Variants in ABCA2 observed in about 807,000 individuals in gnomAD.
The protein encoded by ABCA2 is ATP-binding cassette sub-family A member 2.
Under a neutral mutation model 262.8 loss-of-function variants are expected in ABCA2, and 84 were observed. That is an observed-to-expected ratio of 0.32 (90% CI 0.27 to 0.38). The LOEUF (loss-of-function observed/expected upper bound fraction) is 0.38. Ranked by LOEUF, ABCA2 falls within the 10% of genes least tolerant of loss-of-function variation. The probability of loss-of-function intolerance (pLI) is 1.00; values close to 1 mark genes in which losing one functional copy is unlikely to be tolerated. For synonymous variants in ABCA2, 1,696 were observed against 1,502.9 expected (o/e 1.13, Z -2.97); for missense variants, 2,662 against 3,405.9 (o/e 0.78, Z 5.44).
rs745942064 is a variant in ABCA2 at position 137,011,621 on chromosome 9, C to T, written c.5651+13G>A. ...TCCCACCTGAGGCCGCTCCCCCCTC[C>T]GCTTCCGCTTACCCATAGAGCAGGA... On this transcript the variant is annotated intron_variant, in intron 36 of 48. Coordinates refer to ENST00000341511, the MANE Select transcript of ABCA2 (RefSeq NM_001606.5). This position sits in a 1 kb window ranked among gnomAD's most constrained non-coding sequence, Gnocchi z 8.8. 31 of 1,552,548 alleles carry T rather than the reference C, an allele frequency of 2.0e-5. No homozygotes were observed. Among genetic ancestry groups the T allele is most frequent in the Admixed American group, 9.8e-5 (5 of 51,174 alleles).
Position 137,015,613 on chromosome 9 carries a change from C to A in ABCA2, c.3515-17G>T. 6.2e-7 allele frequency: 1 copy of A among 1,612,130 alleles called. No individual in the cohort carries two copies. The highest frequency in any genetic ancestry group is 2.2e-5 in the East Asian group (1 of 44,850). On this transcript the variant is annotated splice_polypyrimidine_tract_variant and intron_variant, in intron 23 of 48. Transcript: ENST00000341511. ...TGGTGCGGCCTAGGACAAGGCCAGA[C>A]CCAGGGTCAGGGGGCAGGGGAGGCG...
At chr9:137,009,939 C>T in intron 42 of ABCA2, 36 bp from the exon 43 acceptor site, 2 of 1,597,894 alleles carry the variant, frequency 1.3e-6, no homozygotes, top group South Asian at 1.1e-5. Context: ...GGAGGCAGGG[C>T]CACCCAGCGT....
Position 137,011,705 on chromosome 9 carries a change from A to G in ABCA2, c.5580T>C (p.Phe1860=). The change falls in exon 36 of 49, where the codon TTT becomes TTC. Residue 1860 remains phenylalanine, a synonymous_variant. Coordinates refer to ENST00000341511, the MANE Select transcript of ABCA2 (RefSeq NM_001606.5). This position sits in a 1 kb window ranked among gnomAD's most constrained non-coding sequence, Gnocchi z 8.8. ...VPATCCVIIL[F]VFDLPAYTSP... Reference sequence around the variant, plus strand: ...ACGTGTAGGCCGGCAGGTCGAACACAAACAGGATGATGACACAGCAGGTAG... The same window carrying G: ...ACGTGTAGGCCGGCAGGTCGAACACGAACAGGATGATGACACAGCAGGTAG... 3.2e-6 allele frequency: 5 copies of G among 1,553,902 alleles called. No individual in the cohort carries two copies. The highest frequency in any genetic ancestry group is 4.4e-6 in the Non-Finnish European group (5 of 1,149,256).
Position 137,021,543 on chromosome 9 carries a change from C to T in ABCA2, c.746G>A (p.Arg249Gln), listed in dbSNP as rs752675380. 23 of 1,592,864 alleles carry T rather than the reference C, an allele frequency of 1.4e-5. No individual in the cohort carries two copies. The highest frequency in any genetic ancestry group is 1.1e-4 in the African/African-American group (8 of 74,412). ...TCTPGSGELG[R>Q]ILTVPESQKG... The stretch of plus-strand genomic sequence containing the variant: ...CTGACTCTCAGGCACAGTGAGGATC[C>T]GGCCCAGCTCCCCCGAGCCCGGCGT... Residue 249 changes from arginine to glutamine, a missense_variant, in exon 8 of 49, where the codon CGG becomes CAG. Physicochemically the swap from Arg to Gln is conservative, Grantham distance 43. Around this residue, in one of 12 missense-constraint regions of ABCA2, gnomAD observed 403 missense variants for 375.9 expected, o/e 1.07. Coordinates refer to ENST00000341511, the MANE Select transcript of ABCA2 (RefSeq NM_001606.5). The surrounding 1 kb of genome is among the most constrained non-coding windows in gnomAD (Gnocchi z 6.0).
rs751194032 is a variant in ABCA2 at position 137,021,496 on chromosome 9, G to A, written c.793C>T (p.Arg265Trp). The A allele has an allele frequency of 8.1e-6, 13 of 1,609,864 alleles. No individual in the cohort carries two copies. The highest frequency in any genetic ancestry group is 1.7e-4 in the Middle Eastern group (1 of 6,054). Residue 265 changes from arginine to tryptophan, a missense_variant, in exon 8 of 49, where the codon CGG (arginine) becomes TGG (tryptophan). Arg to Trp is a moderately radical substitution (Grantham distance 101, BLOSUM62 -3). This residue lies in a region of ABCA2 where 403 missense variants were observed against 375.9 expected (regional missense o/e 1.07). Transcript: ENST00000341511. The surrounding 1 kb of genome is among the most constrained non-coding windows in gnomAD (Gnocchi z 6.0). ...GCCTGCCCACTGCAGACAGCATCCC[G>A]GTAGCCCTGCAGGGCTCCCTTCTGA... ...ESQKGALQGY[R>W]DAVCSGQAAA...
Position 137,017,077 on chromosome 9 carries a change from C to A in ABCA2, c.2601G>T (p.Ala867=), listed in dbSNP as rs747553479. The A allele has an allele frequency of 8.1e-6, 13 of 1,612,750 alleles. No homozygotes were observed. Among genetic ancestry groups the A allele is most frequent in the Non-Finnish European group, 1.0e-5 (12 of 1,179,972 alleles). The change falls in exon 19 of 49, where the codon GCG becomes GCT. Residue 867 remains alanine, a synonymous_variant. Coordinates refer to ENST00000341511, the MANE Select transcript of ABCA2 (RefSeq NM_001606.5). ...TGCCCACGCCGGCCACCTCATACAGCGCGAAGTACTTAGAGCCCAGACCAA... is the reference window on the plus strand; with the variant it reads ...TGCCCACGCCGGCCACCTCATACAGAGCGAAGTACTTAGAGCCCAGACCAA... ...TAFGLGSKYF[A]LYEVAGVGIQ... is the part of the protein sequence containing the mutation.
chr9:137,009,295 C>A (rs1226028104), intron 45 of ABCA2, 75 bp downstream of exon 45: 3 of 1,360,882 alleles, frequency 2.2e-6, no homozygotes, highest in African/African-American at 1.4e-5. Context: ...TGCAGCCACC[C>A]CCACTCCTGG....
Position 137,013,822 on chromosome 9 carries a change from G to A in ABCA2, c.4447+10C>T, listed in dbSNP as rs751970163. ...GCAAGCCCAGCACCCCTGTCCAGCC[G>A]GTGGCCTACCAATCTCCGGGACGGA... On this transcript the variant is annotated intron_variant, in intron 28 of 48. Transcript: ENST00000341511. 11 of 1,596,338 alleles carry A rather than the reference G, an allele frequency of 6.9e-6. No individual in the cohort carries two copies. The highest frequency in any genetic ancestry group is 7.7e-6 in the Non-Finnish European group (9 of 1,172,350).
At chr9:137,014,108 G>C (rs994434643) in intron 27 of ABCA2, 60 bp downstream of exon 27, 4 of 1,587,940 alleles carry the variant, frequency 2.5e-6, no homozygotes, top group South Asian at 1.1e-5. Flanking sequence ...CCCTCATGCC[G>C]CTCCCCCGCA....
rs749697911 is a variant in ABCA2, at chr9:137,009,329, C to T, written c.6827+41G>A. The T allele has an allele frequency of 2.6e-5, 27 of 1,049,730 alleles. 1 individual carries two copies. Among genetic ancestry groups the T allele is most frequent in the Middle Eastern group, 3.0e-4 (1 of 3,298 alleles). 65.0% of individuals were successfully genotyped at this position (1,049,730 alleles called of 1,614,324 possible). Reference sequence around the variant, plus strand: ...GGCCCCGCTGCCTGGCCGCCCCCCCCGGGCCCGCCCCAGCCCACCCCTGGC... The same window carrying T: ...GGCCCCGCTGCCTGGCCGCCCCCCCTGGGCCCGCCCCAGCCCACCCCTGGC... On this transcript the variant is annotated intron_variant, in intron 45 of 48. Transcript: ENST00000341511.
chr9:137,021,020 C>G lies in ABCA2; in HGVS notation c.939G>C (p.Gln313His), dbSNP rs1299653737. 6.7e-7 allele frequency: 1 copy of G among 1,488,298 alleles called. No homozygotes were observed. Among genetic ancestry groups the G allele is most frequent in the South Asian group, 1.3e-5 (1 of 74,424 alleles). The allele number at this position is 1,488,298 out of a possible 1,614,324, so 92.2% of individuals were successfully genotyped here. ...DAPNGSDSSP[Q>H]APPPRRLQAL... ...CCTGCAGCCTCCGTGGGGGTGGCGC[C>G]TGTGGCGAGGAGTCCGAGCCGTTGG... Residue 313 changes from glutamine (Q) to histidine (H), a missense_variant, in exon 9 of 49, where the codon CAG (glutamine) becomes CAC (histidine). Physicochemically the swap from Gln to His is conservative, Grantham distance 24. Coordinates refer to ENST00000341511, the MANE Select transcript of ABCA2 (RefSeq NM_001606.5). This position sits in a 1 kb window ranked among gnomAD's most constrained non-coding sequence, Gnocchi z 6.0.
chr9:137,023,727 G>A (rs1831557329), intron 3 of ABCA2, 111 bp downstream of exon 3: 2 of 708,482 alleles, frequency 2.8e-6, no homozygotes, highest in African/African-American at 1.8e-5. Flanking sequence ...GCCGGCAGGG[G>A]GCCCGGGAGG....
Position 137,010,224 on chromosome 9 carries a change from T to C in ABCA2, c.6322A>G (p.Thr2108Ala). 1 of 1,604,956 alleles carries C rather than the reference T, an allele frequency of 6.2e-7. No homozygotes were observed. The highest frequency in any genetic ancestry group is 8.5e-7 in the Non-Finnish European group (1 of 1,178,106). Residue 2108 changes from threonine to alanine, a missense_variant, in exon 41 of 49, where the codon ACG becomes GCG. By Grantham distance (58) the Thr-to-Ala change is moderately conservative (BLOSUM62 0). This residue lies in a region of ABCA2 where 602 missense variants were observed against 897.4 expected (regional missense o/e 0.67). Transcript: ENST00000341511. ...CCATTGACGAAGGCCTCGCCCCCCGTCGTGCTCTCGTCGCCGGTCAGCATC... is the reference window on the plus strand; with the variant it reads ...CCATTGACGAAGGCCTCGCCCCCCGCCGTGCTCTCGTCGCCGGTCAGCATC... ...FKMLTGDESTTGGEAFVNGHS... is the reference protein window; with the variant it reads ...FKMLTGDESTAGGEAFVNGHS...
chr9:137,016,535 C>T, intron 20 of ABCA2, 39 bp downstream of exon 20: 1 of 1,612,234 alleles, frequency 6.2e-7, no homozygotes, highest in Non-Finnish European at 8.5e-7. Context: ...ACTCTGAACC[C>T]AGCGCCCACC....
chr9:137,015,116 C>T lies in ABCA2; in HGVS notation c.3698-19G>A, dbSNP rs1212234556. 2 of 1,558,714 alleles carry T rather than the reference C, an allele frequency of 1.3e-6. No individual in the cohort carries two copies. The highest frequency in any genetic ancestry group is 1.7e-6 in the Non-Finnish European group (2 of 1,154,848). On this transcript the variant is annotated intron_variant, in intron 24 of 48. Coordinates refer to ENST00000341511, the MANE Select transcript of ABCA2 (RefSeq NM_001606.5). ...CCTGGCTCTGTGGGGGACGTGGGAG[C>T]AGGAAGGAATTCACTCAGGGGCTGG...
Position 137,019,058 on chromosome 9 carries a change from G to A in ABCA2, c.1567C>T (p.Leu523=), listed in dbSNP as rs1456421184. ...TTCAGTGCCTCGGGGTGCAGCCGCA[G>A]CTCTGCTACATACTTGGGGTGGAGG... The part of the protein sequence containing the change: ...LRWLQQYVAE[L]RLHPEALNLS... Residue 523 remains leucine, a synonymous_variant, in exon 12 of 49, where the codon CTG becomes TTG. Transcript: ENST00000341511. This position sits in a 1 kb window ranked among gnomAD's most constrained non-coding sequence, Gnocchi z 4.4. 1.2e-6 allele frequency: 2 copies of A among 1,611,004 alleles called. No individual in the cohort carries two copies. The highest frequency in any genetic ancestry group is 1.7e-6 in the Non-Finnish European group (2 of 1,178,732).
At chr9:137,014,115 C>G in intron 27 of ABCA2, 53 bp downstream of exon 27, 2 of 1,590,480 alleles carry the variant, frequency 1.3e-6, no homozygotes, top group South Asian at 1.1e-5. Context: ...GCCGCTCCCC[C>G]GCAACCCTGC....
At chr9:137,020,558 G>C in intron 9 of ABCA2, 63 bp from the exon 10 acceptor site, 1 of 1,544,862 alleles carries the variant, frequency 6.5e-7, no homozygotes, top group Non-Finnish European at 8.7e-7. Context: ...GAGTGGGAGG[G>C]GCATCGGGAT....
Position 137,013,971 on chromosome 9 carries a change from C to T in ABCA2, c.4308G>A (p.Lys1436=). Residue 1436 remains lysine (K), a synonymous_variant, in exon 28 of 49, where the codon AAG becomes AAA. Transcript: ENST00000341511. Reference sequence around the variant, plus strand: ...CCAGCAGCCCGTGGAACTGGCGCACCTTCAGCCACCCGCCGTCCAGCTTGC... The same window carrying T: ...CCAGCAGCCCGTGGAACTGGCGCACTTTCAGCCACCCGCCGTCCAGCTTGC... ...GSRKLDGGWL[K]VRQFHGLLVK... is the part of the protein sequence containing the mutation. The T allele has an allele frequency of 6.2e-7, 1 of 1,612,282 alleles. No homozygotes were observed.
Sources: allele counts gnomAD v4.1 joint callset, GRCh38; gene constraint gnomAD v4.1.1; regional missense constraint gnomAD v4.1.1; non-coding constraint Gnocchi (gnomAD v3.1); transcripts MANE v1.5; gene names NCBI Gene and HGNC (gene_info 2026-07-23, HGNC 2026-07-21).